ADCK5: variants seen among roughly 807,000 people sequenced by gnomAD.
ADCK5 encodes uncharacterized aarF domain-containing protein kinase 5.
ADCK5 carries 43 observed loss-of-function variants against 64.9 expected under a neutral mutation model. The ratio of observed to expected loss-of-function variants is 0.66; its 90% CI spans 0.52 to 0.85. The LOEUF (loss-of-function observed/expected upper bound fraction) is 0.85, where lower values mean the gene tolerates loss of function less well. ADCK5 is among the 40% of genes least tolerant of loss of function. The pLI is 0.00. For synonymous variants in ADCK5, 434 were observed against 342.8 expected (o/e 1.27, Z -2.94); for missense variants, 760 against 810.5 (o/e 0.94, Z 0.76).
chr8:144,382,055 A>G (rs1819685746), intron 2 of ADCK5, among the ~76,000 whole-genome samples: 1 of 135,110 alleles, frequency 7.4e-6, no homozygotes, highest in Admixed American at 6.9e-5. Context: ...CCCCTGCTGC[A>G]CTCAGGATTA....
chr8:144,382,847 G>A (rs972025303), intron 2 of ADCK5, among the ~76,000 whole-genome samples: 1 of 152,272 alleles, frequency 6.6e-6, no homozygotes, highest in Admixed American at 6.5e-5. Context: ...TCTCTGGACA[G>A]ACCTGAATGA....
At chr8:144,378,608 G>A (rs1048369968) in intron 1 of ADCK5, among the ~76,000 whole-genome samples, 10 of 152,110 alleles carry the variant, frequency 6.6e-5, no homozygotes, top group Middle Eastern at 3.4e-3. Context: ...GGCCAGGTGC[G>A]GTGGCTTACA....
intron 3 of ADCK5, among the ~76,000 whole-genome samples, chr8:144,387,546 C>CA (rs1450517719): frequency 6.6e-6 from 1 of 152,152 alleles, no homozygotes; most frequent in African/African-American, 2.4e-5. Flanking sequence ...GGATTACAGA[C>CA]ACCTGCCACC....
chr8:144,390,874 G>A lies in ADCK5; in HGVS notation c.361G>A (p.Glu121Lys), dbSNP rs1554860284. 6.2e-7 allele frequency: 1 copy of A among 1,613,010 alleles called. No individual in the cohort carries two copies. The highest frequency in any genetic ancestry group is 8.5e-7 in the Non-Finnish European group (1 of 1,179,982). Reference protein sequence around the residue: ...GVEENSPGYLEVMSACHQRAA... With the variant: ...GVEENSPGYLKVMSACHQRAA... ...TGGTCAGAACAGCCCAGGCTACTTG[G>A]AGGTGATGTCTGCGTGTCACCAGCG... Residue 121 changes from glutamate to lysine, a missense_variant, in exon 5 of 15, where the codon GAG becomes AAG. Glu to Lys is a moderately conservative substitution (Grantham distance 56). Around this residue, in one of 2 missense-constraint regions of ADCK5, gnomAD observed 427 missense variants for 518.4 expected, o/e 0.82. Transcript: ENST00000308860.
At chr8:144,388,303 G>T (rs1163347956) in intron 3 of ADCK5, among the ~76,000 whole-genome samples, 2 of 149,922 alleles carry the variant, frequency 1.3e-5, no homozygotes, top group Non-Finnish European at 3.0e-5. Context: ...GTTGCAGTGA[G>T]CCTAGACTGT....
chr8:144,391,856 C>G lies in ADCK5; in HGVS notation c.1004C>G (p.Ala335Gly), dbSNP rs782081313. 20 of 1,336,918 alleles carry G rather than the reference C, an allele frequency of 1.5e-5. No homozygotes were observed. Among genetic ancestry groups the G allele is most frequent in the Admixed American group, 2.3e-5 (1 of 43,296 alleles). The allele number at this position is 1,336,918 out of a possible 1,614,324, so 82.8% of individuals were successfully genotyped here. ...DVEAIRSQGL[A>G]VHDIAEKLIK... ...GAGGCCATCAGGAGCCAGGGGCTGGCAGTGCATGACGTGAGTGCGGGGGGG... is the reference window on the plus strand; with the variant it reads ...GAGGCCATCAGGAGCCAGGGGCTGGGAGTGCATGACGTGAGTGCGGGGGGG... The change falls in exon 9 of 15, where the codon GCA becomes GGA. Residue 335 changes from alanine (A) to glycine (G), a missense_variant. This residue lies in a region of ADCK5 where 427 missense variants were observed against 518.4 expected (regional missense o/e 0.82). Transcript: ENST00000308860.
chr8:144,392,830 C>T lies in ADCK5; in HGVS notation c.1575C>T (p.Gly525=). The change falls in exon 14 of 15, where the codon GGC becomes GGT. Residue 525 remains glycine (G), a synonymous_variant. Transcript: ENST00000308860. ...GCGCCACGTATCGGGGTGTCTACGG[C>T]ACCAGCCTCCTGCGCCACGCCAAGG... The part of the protein sequence containing the change: ...LAGATYRGVY[G]TSLLRHAKVV... The T allele has an allele frequency of 5.0e-6, 8 of 1,592,562 alleles. No individual in the cohort carries two copies. Among genetic ancestry groups the T allele is most frequent in the Non-Finnish European group, 6.8e-6 (8 of 1,173,830 alleles).
At chr8:144,388,622 G>A (rs1364925607) in intron 3 of ADCK5, among the ~76,000 whole-genome samples, 11 of 151,592 alleles carry the variant, frequency 7.3e-5, no homozygotes, top group East Asian at 5.9e-4. Context: ...AAAATTAGCC[G>A]GGCGTGGTGT....
chr8:144,375,309 C>T (rs1819318955), intron 1 of ADCK5, among the ~76,000 whole-genome samples: 1 of 152,214 alleles, frequency 6.6e-6, no homozygotes, highest in Non-Finnish European at 1.5e-5. Context: ...GGGAGAAGGA[C>T]AGTGTCTGTG....
Position 144,383,132 on chromosome 8 carries a change from G to A in ADCK5, c.168G>A (p.Val56=). Reference sequence around the variant, plus strand: ...GGAAGGTGCTCTCCACCGCGGTAGTGGGGGCGCCCCTGCTCCTCGGAGCCC... The same window carrying A: ...GGAAGGTGCTCTCCACCGCGGTAGTAGGGGCGCCCCTGCTCCTCGGAGCCC... ...LWRKVLSTAV[V]GAPLLLGARY... Residue 56 remains valine (V), a synonymous_variant, in exon 3 of 15, where the codon GTG becomes GTA. Coordinates refer to ENST00000308860, the MANE Select transcript of ADCK5 (RefSeq NM_174922.5). 1.3e-6 allele frequency: 2 copies of A among 1,587,792 alleles called. No homozygotes were observed. Among genetic ancestry groups the A allele is most frequent in the Non-Finnish European group, 1.7e-6 (2 of 1,167,362 alleles).
chr8:144,383,871 T>C (rs73374055), intron 3 of ADCK5, among the ~76,000 whole-genome samples: 19,441 of 146,926 alleles, frequency 0.13, 2,109 homozygotes, highest in African/African-American at 0.3. Context: ...GAGAGAAACC[T>C]GTTAGCCCAA....
rs1554858846 is a variant in ADCK5 at position 144,384,029 on chromosome 8, C to T, written c.266+799C>T. Among the ~76,000 whole-genome samples the T allele has an allele frequency of 6.6e-6, 1 of 151,786 alleles. No homozygotes were observed. The highest frequency in any genetic ancestry group is 1.5e-5 in the Non-Finnish European group (1 of 67,988). On this transcript the variant is annotated intron_variant, in intron 3 of 14. Transcript: ENST00000308860. The surrounding 1 kb of genome is among the most constrained non-coding windows in gnomAD (Gnocchi z 5.7). ...GCCTCAGCCTCCTGAGTAGCCGGGACTACAGGTGCCCACCACCATGCCTGG... is the reference window on the plus strand; with the variant it reads ...GCCTCAGCCTCCTGAGTAGCCGGGATTACAGGTGCCCACCACCATGCCTGG...
chr8:144,376,595 T>G lies in ADCK5; in HGVS notation c.12+2488T>G, dbSNP rs1819376304. Among the ~76,000 whole-genome samples, 1 of 152,232 alleles carries G rather than the reference T, an allele frequency of 6.6e-6. No individual in the cohort carries two copies. The highest frequency in any genetic ancestry group is 1.5e-5 in the Non-Finnish European group (1 of 68,044). Reference sequence around the variant, plus strand: ...AGCAGTCAGCCAGCCATGACTTTCCTGGCCTCACCTGTTTGGTGGAGCCTG... The same window carrying G: ...AGCAGTCAGCCAGCCATGACTTTCCGGGCCTCACCTGTTTGGTGGAGCCTG... On this transcript the variant is annotated intron_variant, in intron 1 of 14. Coordinates refer to ENST00000308860, the MANE Select transcript of ADCK5 (RefSeq NM_174922.5). The surrounding 1 kb of genome is among the most constrained non-coding windows in gnomAD (Gnocchi z 5.1).
In ADCK5 at chr8:144,384,028, A is replaced by G. The variant is rs1819797080; in HGVS notation, c.266+798A>G. ...TGCCTCAGCCTCCTGAGTAGCCGGGACTACAGGTGCCCACCACCATGCCTG... is the reference window on the plus strand; with the variant it reads ...TGCCTCAGCCTCCTGAGTAGCCGGGGCTACAGGTGCCCACCACCATGCCTG... On this transcript the variant is annotated intron_variant, in intron 3 of 14. Coordinates refer to ENST00000308860, the MANE Select transcript of ADCK5 (RefSeq NM_174922.5). This position sits in a 1 kb window ranked among gnomAD's most constrained non-coding sequence, Gnocchi z 5.7. Among the ~76,000 whole-genome samples, 1 of 151,576 alleles carries G rather than the reference A, an allele frequency of 6.6e-6. No homozygotes were observed. Among genetic ancestry groups the G allele is most frequent in the Admixed American group, 6.6e-5 (1 of 15,192 alleles).
rs1554861594 is a variant in ADCK5, at chr8:144,392,843, C to A, written c.1588C>A (p.Arg530Ser). The A allele has an allele frequency of 3.8e-6, 6 of 1,593,720 alleles. No homozygotes were observed. Among genetic ancestry groups the A allele is most frequent in the Non-Finnish European group, 5.1e-6 (6 of 1,174,206 alleles). Residue 530 changes from arginine to serine, a missense_variant, in exon 14 of 15, where the codon CGC becomes AGC. Coordinates refer to ENST00000308860, the MANE Select transcript of ADCK5 (RefSeq NM_174922.5). The part of the protein sequence containing the change: ...YRGVYGTSLL[R>S]HAKVVWEMLK... ...GGGTGTCTACGGCACCAGCCTCCTG[C>A]GCCACGCCAAGGTCGTCTGGGAGAT...
chr8:144,375,177 C>G (rs1819314165), intron 1 of ADCK5, among the ~76,000 whole-genome samples: 1 of 152,346 alleles, frequency 6.6e-6, no homozygotes, highest in South Asian at 2.1e-4. Context: ...CAGTCCCTCC[C>G]CAGCCCCAGC....
chr8:144,379,910 C>T (rs782225966), intron 2 of ADCK5, among the ~76,000 whole-genome samples: 41 of 152,186 alleles, frequency 2.7e-4, no homozygotes, highest in African/African-American at 7.5e-4. Context: ...CCAGCAAGTC[C>T]GGACCACAGT....
rs2130731107 is a variant in ADCK5, at chr8:144,391,633, C to T, written c.852C>T (p.Asn284=). The part of the protein sequence containing the change: ...QELDFENEGR[N]AERCARELAH... ...TGGACTTCGAGAATGAGGGCCGCAA[C>T]GCAGAGCGCTGTGCGCGGGAGCTGG... Residue 284 remains asparagine (N), a synonymous_variant, in exon 8 of 15, where the codon AAC becomes AAT. Coordinates refer to ENST00000308860, the MANE Select transcript of ADCK5 (RefSeq NM_174922.5). 5 of 1,559,606 alleles carry T rather than the reference C, an allele frequency of 3.2e-6. No homozygotes were observed. Among genetic ancestry groups the T allele is most frequent in the South Asian group, 1.2e-5 (1 of 85,668 alleles).
At position 144,392,500 on chromosome 8, in the gene ADCK5, G is replaced by A. The variant is rs1319499798; in HGVS notation, c.1323G>A (p.Leu441=). The A allele has an allele frequency of 1.6e-5, 24 of 1,536,158 alleles. No homozygotes were observed. The highest frequency in any genetic ancestry group is 3.6e-5 in the South Asian group (3 of 84,268). Residue 441 remains leucine, a synonymous_variant, in exon 13 of 15, where the codon CTG becomes CTA. Transcript: ENST00000308860. ...LMQRPVRLGQ[L]WGSHLLSREE... ...AGCGCCCCGTGCGCCTGGGGCAGCT[G>A]TGGGGCTCGCACCTACTGAGCCGCG...
Sources: gnomAD v4.1 joint callset for allele counts (sites outside exome capture counted in the v4.1 genomes callset) on GRCh38, gnomAD v4.1.1 for gene constraint, gnomAD v4.1.1 regional missense constraint, Gnocchi (gnomAD v3.1) non-coding constraint, MANE v1.5 for transcripts, NCBI Gene and HGNC (gene_info 2026-07-23, HGNC 2026-07-21) for gene names.